PHACTR1: variants seen among roughly 807,000 people sequenced by gnomAD.
The protein encoded by PHACTR1 is RPEL repeat containing 1.
A neutral mutation model predicts 69.2 loss-of-function variants in PHACTR1; 16 were observed. The observed-to-expected ratio is 0.23, with a 90% confidence interval of 0.16 to 0.35. The LOEUF is 0.35. PHACTR1 is among the 10% of genes least tolerant of loss of function. The probability of loss-of-function intolerance (pLI) is 1.00; values close to 1 mark genes in which losing one functional copy is unlikely to be tolerated. For missense variants in PHACTR1, 510 were observed against 734.7 expected (o/e 0.69, Z 3.54); for synonymous variants, 312 against 284.5 (o/e 1.10, Z -0.97).
At chr6:12,955,460 G>T (rs1342886281) in intron 4 of PHACTR1, among the ~76,000 whole-genome samples, 1 of 151,888 alleles carries the variant, frequency 6.6e-6, no homozygotes, top group Non-Finnish European at 1.5e-5. Flanking sequence ...CAAAGCACTG[G>T]GATTACAGGA....
intron 4 of PHACTR1, among the ~76,000 whole-genome samples, chr6:13,029,957 C>A (rs9349440): frequency 0.71 from 108,627 of 152,074 alleles, 40,013 homozygotes; most frequent in East Asian, 0.88. Flanking sequence ...AGTTGTGCGA[C>A]CTTCTCAGAC....
intron 5 of PHACTR1, among the ~76,000 whole-genome samples, chr6:13,082,084 T>C (rs1583276402): frequency 6.6e-6 from 1 of 152,262 alleles, no homozygotes; most frequent in East Asian, 1.9e-4. Flanking sequence ...TCATTTGGTC[T>C]AGGTGCAGAC....
At chr6:12,859,987 TTCATCA>T (rs71552721) in intron 4 of PHACTR1, among the ~76,000 whole-genome samples, 37 of 150,436 alleles carry the variant, frequency 2.5e-4, no homozygotes, top group Non-Finnish European at 5.9e-5. Context: ...GAAGGACATC[TTCATCA>T]TCATCATCAT....
chr6:13,141,724 C>CTTTTTTTTTT (rs577073698), intron 5 of PHACTR1, among the ~76,000 whole-genome samples: 46 of 89,570 alleles, frequency 5.1e-4, no homozygotes, highest in East Asian at 1.0e-3. Context: ...TTTCTTCTTT[C>CTTTTTTTTTT]TTTTTTTTTT....
At position 12,938,266 on chromosome 6, in the gene PHACTR1, C is replaced by T. The variant is rs550111184; in HGVS notation, c.251-115099C>T. 9.9e-5 allele frequency among the ~76,000 whole-genome samples: 15 copies of T among 152,220 alleles called. No individual in the cohort carries two copies. The South Asian group carries it at 2.5e-3, about 25-fold the overall frequency. On this transcript the variant is annotated intron_variant, in intron 4 of 14. Transcript: ENST00000332995. Reference sequence around the variant, plus strand: ...ACTGTTTTTCAGATGATGTTTATAACTCACCAAAGGTTACACAGATAGTGC... The same window carrying T: ...ACTGTTTTTCAGATGATGTTTATAATTCACCAAAGGTTACACAGATAGTGC...
intron 4 of PHACTR1, among the ~76,000 whole-genome samples, chr6:12,785,151 C>T (rs1440993990): frequency 6.6e-6 from 1 of 152,050 alleles, no homozygotes; most frequent in African/African-American, 2.4e-5. Flanking sequence ...TTGAACTCCC[C>T]ATAGGAGTGT....
intron 4 of PHACTR1, among the ~76,000 whole-genome samples, chr6:12,848,185 G>GTT (rs1294826676): frequency 6.6e-6 from 1 of 151,980 alleles, no homozygotes; most frequent in Non-Finnish European, 1.5e-5. Context: ...TATAAACAGA[G>GTT]TAACTAACCA....
chr6:13,273,902 G>GCCCCCC, intron 11 of PHACTR1: 1 of 145,758 alleles, frequency 6.9e-6, no homozygotes, highest in South Asian at 2.2e-4. Context: ...GCCTCCCCCG[G>GCCCCCC]CCCCCCCGCC....
At chr6:13,224,012 T>G (rs1255850851) in intron 8 of PHACTR1, among the ~76,000 whole-genome samples, 1 of 152,148 alleles carries the variant, frequency 6.6e-6, no homozygotes, top group Non-Finnish European at 1.5e-5. Context: ...AGTTAATGCC[T>G]TTTGAACATG....
intron 4 of PHACTR1, among the ~76,000 whole-genome samples, chr6:12,779,151 C>T (rs749948269): frequency 6.6e-5 from 10 of 152,166 alleles, no homozygotes; most frequent in Non-Finnish European, 1.3e-4. Flanking sequence ...GCCTGACCAA[C>T]ATGGAGAAAC....
At chr6:13,104,596 T>G (rs1399219396) in intron 5 of PHACTR1, among the ~76,000 whole-genome samples, 1 of 152,238 alleles carries the variant, frequency 6.6e-6, no homozygotes, top group Non-Finnish European at 1.5e-5. Context: ...GATCAAGTTT[T>G]ATTCCATTAA....
chr6:13,243,959 A>G (rs1305501020), intron 10 of PHACTR1, among the ~76,000 whole-genome samples: 1 of 152,194 alleles, frequency 6.6e-6, no homozygotes, highest in African/African-American at 2.4e-5. Context: ...ATAGTATTCC[A>G]TGGTGTATAT....
intron 4 of PHACTR1, among the ~76,000 whole-genome samples, chr6:12,806,982 T>C (rs1240952508): frequency 1.3e-5 from 2 of 152,202 alleles, no homozygotes; most frequent in African/African-American, 4.8e-5. Flanking sequence ...GTAACTATTT[T>C]TATGATGACA....
At chr6:13,229,941 C>A in intron 9 of PHACTR1, 96 bp from the exon 10 acceptor site, 1 of 1,388,534 alleles carries the variant, frequency 7.2e-7, no homozygotes, top group Non-Finnish European at 9.6e-7. Context: ...ACCTTGATGA[C>A]TTCCTTCCTG....
At chr6:13,257,938 T>G (rs1160578523) in intron 10 of PHACTR1, among the ~76,000 whole-genome samples, 1 of 152,178 alleles carries the variant, frequency 6.6e-6, no homozygotes, top group Admixed American at 6.5e-5. Context: ...CCCAGTGGTT[T>G]GCAGGTTAGA....
intron 11 of PHACTR1, among the ~76,000 whole-genome samples, chr6:13,277,728 G>A (rs891824678): frequency 2.0e-5 from 3 of 152,180 alleles, no homozygotes; most frequent in African/African-American, 7.2e-5. Context: ...CAGGAGGATT[G>A]CTTGATGCCA....
intron 4 of PHACTR1, among the ~76,000 whole-genome samples, chr6:12,771,076 T>C (rs1769321923): frequency 6.6e-6 from 1 of 152,018 alleles, no homozygotes; most frequent in Non-Finnish European, 1.5e-5. Context: ...AGGCTTTTGC[T>C]CCAAAAAGCT....
intron 3 of PHACTR1, among the ~76,000 whole-genome samples, chr6:12,721,156 C>A (rs190367947): frequency 6.6e-6 from 1 of 152,116 alleles, no homozygotes; most frequent in East Asian, 1.9e-4. Flanking sequence ...GAAGCCGAGG[C>A]GGGTGGATCA....
chr6:13,064,610 ATATCTATC>A (rs1395493605), intron 5 of PHACTR1, among the ~76,000 whole-genome samples: 342 of 9,248 alleles, frequency 0.037, 102 homozygotes, highest in Middle Eastern at 0.091. Flanking sequence ...ATATATCTAT[ATATCTATC>A]TATCCACACT....
Sources: gnomAD v4.1 joint callset for allele counts (sites outside exome capture counted in the v4.1 genomes callset) on GRCh38, gnomAD v4.1.1 for gene constraint, MANE v1.5 for transcripts, NCBI Gene and HGNC (gene_info 2026-07-23, HGNC 2026-07-21) for gene names.